Variants in MCPH1 observed in about 807,000 individuals in gnomAD.
MCPH1 encodes microcephalin 1.
In MCPH1, 104 loss-of-function variants were observed where a neutral mutation model predicts 84.5. The observed-to-expected ratio is 1.23, with a 90% CI of 1.05 to 1.45. The LOEUF (loss-of-function observed/expected upper bound fraction) is 1.45, where lower values mean the gene tolerates loss of function less well. MCPH1 is among the 40% of genes most tolerant of loss of function. The pLI is 0.00. For synonymous variants in MCPH1, 514 were observed against 366.8 expected (o/e 1.40, Z -4.58); for missense variants, 1,498 against 1,005.7 (o/e 1.49, Z -6.62).
chr8:6,543,513 G>C (rs1821980501), intron 12 of MCPH1, among the ~76,000 whole-genome samples: 1 of 152,184 alleles, frequency 6.6e-6, no homozygotes, highest in Non-Finnish European at 1.5e-5. Flanking sequence ...GGAGCATCCA[G>C]CTCCCATCTG....
chr8:6,645,606 C>CAAAAAAAAA lies in MCPH1; in HGVS notation c.*2569_*2577dup, dbSNP rs34907559. The CAAAAAAAAA allele has an allele frequency of 1.9e-5, 1 of 51,764 alleles. No homozygotes were observed. The highest frequency in any genetic ancestry group is 4.2e-5 in the Non-Finnish European group (1 of 23,684). 3.2% of individuals were successfully genotyped at this position (51,764 alleles called of 1,614,324 possible). A position where few individuals can be genotyped will look rare whatever the true frequency, so the allele number is the denominator to read the frequency against. On this transcript the variant is annotated 3_prime_UTR_variant, in exon 14 of 14. Transcript: ENST00000344683. ...CTATGTATAGAAATTGTAAGGAATG[C>CAAAAAAAAA]AAAAAAAAAAAAAAAAAAAAGCCCT...
chr8:6,432,040 G>GA (rs1378113153), intron 4 of MCPH1, among the ~76,000 whole-genome samples: 2 of 152,178 alleles, frequency 1.3e-5, no homozygotes, highest in East Asian at 3.8e-4. Flanking sequence ...TCAGTTCCGG[G>GA]ACCCCCACAG....
chr8:6,583,468 T>C (rs778914843), intron 12 of MCPH1, among the ~76,000 whole-genome samples: 3 of 152,228 alleles, frequency 2.0e-5, no homozygotes, highest in Non-Finnish European at 4.4e-5. Context: ...ATCTGGGATG[T>C]GCATGTTATG....
At position 6,644,867 on chromosome 8, in the gene MCPH1, C is replaced by G. The variant is rs1798138300; in HGVS notation, c.*1818C>G. Reference sequence around the variant, plus strand: ...AGTGCATTGTATAGGAATTGGCATTCTATAGAAAACCACAGAAACTGGAAA... The same window carrying G: ...AGTGCATTGTATAGGAATTGGCATTGTATAGAAAACCACAGAAACTGGAAA... On this transcript the variant is annotated 3_prime_UTR_variant, in exon 14 of 14. Transcript: ENST00000344683. The G allele has an allele frequency of 6.6e-6, 1 of 152,178 alleles. No homozygotes were observed. Among genetic ancestry groups the G allele is most frequent in the African/African-American group, 2.4e-5 (1 of 41,438 alleles). 9.4% of individuals were successfully genotyped at this position (152,178 alleles called of 1,614,324 possible).
chr8:6,517,604 T>A (rs1181070597), intron 12 of MCPH1, among the ~76,000 whole-genome samples: 4 of 152,194 alleles, frequency 2.6e-5, no homozygotes, highest in Admixed American at 1.3e-4. Context: ...GCAGAGAAGT[T>A]GTCTGGTAGT....
At chr8:6,614,913 G>A (rs1463880193) in intron 12 of MCPH1, among the ~76,000 whole-genome samples, 2 of 151,704 alleles carry the variant, frequency 1.3e-5, no homozygotes, top group African/African-American at 2.4e-5. Context: ...CTTTTTCTTG[G>A]GTCTTCCTGA....
intron 12 of MCPH1, among the ~76,000 whole-genome samples, chr8:6,612,333 C>T (rs1830354029): frequency 6.6e-6 from 1 of 152,198 alleles, no homozygotes. Context: ...TCCTCTCCTC[C>T]ACAGCCAGCC....
intron 12 of MCPH1, among the ~76,000 whole-genome samples, chr8:6,541,472 G>A (rs1267530881): frequency 6.6e-6 from 1 of 152,176 alleles, no homozygotes; most frequent in Non-Finnish European, 1.5e-5. Context: ...GGGCAGGGCA[G>A]GCCTGGAGAC....
At chr8:6,527,669 T>C in intron 12 of MCPH1, 1 of 1,612,176 alleles carries the variant, frequency 6.2e-7, no homozygotes, top group Non-Finnish European at 8.5e-7. Flanking sequence ...CGTGGTCTGA[T>C]TTAATACCTA....
At position 6,407,850 on chromosome 8, in the gene MCPH1, G is replaced by A. The variant is rs531728311; in HGVS notation, c.22+1161G>A. Among the ~76,000 whole-genome samples, 2 of 152,124 alleles carry A rather than the reference G, an allele frequency of 1.3e-5. 1 individual carries two copies. ...TGCCTGTTTTTGTAAGGGTCTACGA[G>A]CTAAGAATGTCTTTTACATTTTTAA... On this transcript the variant is annotated intron_variant, in intron 1 of 13. Transcript: ENST00000344683.
intron 11 of MCPH1, among the ~76,000 whole-genome samples, chr8:6,491,761 A>G (rs1353578883): frequency 4.6e-5 from 7 of 152,124 alleles, no homozygotes; most frequent in African/African-American, 1.4e-4. Flanking sequence ...TTTGCTGAGA[A>G]TGATGGTTTC....
At chr8:6,474,089 A>G in intron 9 of MCPH1, 2 of 778,142 alleles carry the variant, frequency 2.6e-6, no homozygotes, top group Non-Finnish European at 2.4e-6. Context: ...CACAAAAACT[A>G]TGTGAAACCA....
chr8:6,593,094 T>TTC (rs1453981775), intron 12 of MCPH1, among the ~76,000 whole-genome samples: 38 of 149,818 alleles, frequency 2.5e-4, no homozygotes, highest in African/African-American at 9.3e-4. Flanking sequence ...TTTTTTTTTT[T>TTC]TTTTTTTAGA....
At chr8:6,546,868 A>G (rs1239247371) in intron 12 of MCPH1, among the ~76,000 whole-genome samples, 3 of 152,170 alleles carry the variant, frequency 2.0e-5, no homozygotes, top group Non-Finnish European at 4.4e-5. Context: ...GAACTAATAA[A>G]TTGTGTAAGA....
chr8:6,457,356 G>C (rs1234350884), intron 9 of MCPH1, among the ~76,000 whole-genome samples: 1 of 152,050 alleles, frequency 6.6e-6, no homozygotes, highest in Non-Finnish European at 1.5e-5. Context: ...ACTTTGGGGC[G>C]GGCGGATCAC....
At chr8:6,544,914 C>G (rs1006890443) in intron 12 of MCPH1, among the ~76,000 whole-genome samples, 3 of 152,194 alleles carry the variant, frequency 2.0e-5, no homozygotes, top group African/African-American at 7.2e-5. Context: ...AGTAGTCTCA[C>G]TAGTTTTGTT....
At chr8:6,596,292 G>C (rs1214071228) in intron 12 of MCPH1, among the ~76,000 whole-genome samples, 1 of 152,156 alleles carries the variant, frequency 6.6e-6, no homozygotes, top group Non-Finnish European at 1.5e-5. Context: ...GTAGGGGAGG[G>C]GTGCAGTGAG....
chr8:6,543,518 C>T (rs1259559438), intron 12 of MCPH1, among the ~76,000 whole-genome samples: 1 of 152,180 alleles, frequency 6.6e-6, no homozygotes, highest in African/African-American at 2.4e-5. Flanking sequence ...ATCCAGCTCC[C>T]ATCTGCGGAA....
chr8:6,517,640 C>T (rs186119331), intron 12 of MCPH1, among the ~76,000 whole-genome samples: 216 of 152,276 alleles, frequency 1.4e-3, no homozygotes, highest in South Asian at 3.9e-3. Flanking sequence ...AAATGGTGAC[C>T]ACTACCATTT....
Sources: allele counts gnomAD v4.1 joint callset (sites outside exome capture counted in the v4.1 genomes callset), GRCh38; gene constraint gnomAD v4.1.1; transcripts MANE v1.5; gene names NCBI Gene and HGNC (gene_info 2026-07-23, HGNC 2026-07-21).